Variants in DCUN1D4 observed in about 807,000 individuals in gnomAD.
DCUN1D4 encodes the protein defective in cullin neddylation 1 domain containing 4, also known as DCN1-like protein 4.
Under a neutral mutation model 47.9 loss-of-function variants are expected in DCUN1D4, and 22 were observed. The observed-to-expected ratio is 0.46, with a 90% CI of 0.33 to 0.66. DCUN1D4 has a LOEUF of 0.66. Among genes scored for constraint, DCUN1D4 ranks in the 30% least tolerant of loss-of-function variants. The pLI is 0.02. For synonymous variants in DCUN1D4, 121 were observed against 112.2 expected, an observed-to-expected ratio of 1.08 and a Z score of -0.50; for missense variants, 301 against 340.8, an observed-to-expected ratio of 0.88 and a Z score of 0.92.
chr4:51,885,693 T>A (rs77856227), intron 5 of DCUN1D4, among the ~76,000 whole-genome samples: 5,830 of 152,108 alleles, frequency 0.038, 152 homozygotes, highest in Non-Finnish European at 0.053. Context: ...AGGAATAATG[T>A]ATATAGCAGG....
intron 6 of DCUN1D4, among the ~76,000 whole-genome samples, chr4:51,889,115 G>GA (rs551308113): frequency 3.7e-3 from 561 of 151,148 alleles, no homozygotes; most frequent in Middle Eastern, 0.017. Context: ...TCTCGAAAAA[G>GA]AAAAAAAAGA....
At chr4:51,845,122 A>G (rs926486858) in intron 1 of DCUN1D4, 1 of 985,350 alleles carries the variant, frequency 1.0e-6, no homozygotes, top group Non-Finnish European at 1.2e-6. Context: ...GTTGTGGGAA[A>G]ACATTTAAGA....
chr4:51,877,854 G>A lies in DCUN1D4; in HGVS notation c.343G>A (p.Gly115Arg), dbSNP rs1273880844. The A allele has an allele frequency of 1.3e-6, 2 of 1,592,006 alleles. No individual in the cohort carries two copies. The highest frequency in any genetic ancestry group is 1.7e-6 in the Non-Finnish European group (2 of 1,162,000). ...RCLEWFYEYA[G>R]TDDVVGPEGM... ...CTTGGAATGGTTCTATGAATATGCA[G>A]GTAGGTATTCATTTGTATCATCTAA... The change falls in exon 5 of 11, where the codon GGA becomes AGA. Residue 115 changes from glycine (G) to arginine (R), a missense_variant and splice_region_variant. Around this residue, in one of 2 missense-constraint regions of DCUN1D4, gnomAD observed 170 missense variants for 234.5 expected, o/e 0.73. Coordinates refer to ENST00000334635, the MANE Select transcript of DCUN1D4 (RefSeq NM_001040402.3).
At chr4:51,863,630 G>C in intron 2 of DCUN1D4, 40 bp from the exon 3 acceptor site, 1 of 1,607,952 alleles carries the variant, frequency 6.2e-7, no homozygotes, top group Non-Finnish European at 8.5e-7. Flanking sequence ...AATGCTAACG[G>C]TATGTGATTT....
intron 1 of DCUN1D4, chr4:51,848,139 A>T (rs548252025): frequency 8.2e-7 from 1 of 1,224,562 alleles, no homozygotes; most frequent in East Asian, 5.7e-5. Flanking sequence ...TCACCTACTC[A>T]TTCTTTGCAT....
chr4:51,895,078 C>A (rs1023384456), intron 7 of DCUN1D4, among the ~76,000 whole-genome samples: 1 of 151,930 alleles, frequency 6.6e-6, no homozygotes, highest in African/African-American at 2.4e-5. Context: ...GCCCCCAGGA[C>A]CTAATAATCT....
At position 51,913,848 on chromosome 4, in the gene DCUN1D4, T is replaced by A; in HGVS notation, c.*264T>A. On this transcript the variant is annotated 3_prime_UTR_variant, in exon 11 of 11. Coordinates refer to ENST00000334635, the MANE Select transcript of DCUN1D4 (RefSeq NM_001040402.3). ...CACTGTGATTATGTGTATATTGCTG[T>A]TTAAATTTTGTATATGTGTATAAAA... The A allele has an allele frequency of 2.7e-6, 1 of 372,602 alleles. No homozygotes were observed. The allele number at this position is 372,602 out of a possible 1,614,324, so 23.1% of individuals were successfully genotyped here.
intron 1 of DCUN1D4, among the ~76,000 whole-genome samples, chr4:51,858,828 T>TA (rs1724552549): frequency 6.6e-6 from 1 of 152,348 alleles, no homozygotes; most frequent in South Asian, 2.1e-4. Flanking sequence ...CAGCCATACT[T>TA]ACGTATTGTT....
chr4:51,847,624 T>C (rs1407117596), intron 1 of DCUN1D4, among the ~76,000 whole-genome samples: 5 of 151,728 alleles, frequency 3.3e-5, no homozygotes, highest in Admixed American at 2.6e-4. Flanking sequence ...CTTTCTTTTT[T>C]GTTTTTTTTT....
chr4:51,837,671 A>T, the DCUN1D4 span, among the ~76,000 whole-genome samples: 1 of 150,194 alleles, frequency 6.7e-6, no homozygotes, highest in Non-Finnish European at 1.5e-5. Flanking sequence ...AAAAAAAAAA[A>T]AAAAAAAAAA....
chr4:51,911,280 T>C, intron 9 of DCUN1D4, 106 bp downstream of exon 9: 1 of 1,004,654 alleles, frequency 1.0e-6, no homozygotes. Flanking sequence ...CTTTTCTGCC[T>C]ATGTAGGAAT....
intron 1 of DCUN1D4, chr4:51,844,922 G>T (rs1394623343): frequency 1.0e-6 from 1 of 985,400 alleles, no homozygotes; most frequent in East Asian, 1.1e-4. Context: ...GCTCCTGCGC[G>T]CTCTCGGGAG....
At position 51,843,161 on chromosome 4, in the gene DCUN1D4, G is replaced by A. The variant is rs986111899; in HGVS notation, c.-82G>A. 8.5e-6 allele frequency: 13 copies of A among 1,524,692 alleles called. No individual in the cohort carries two copies. The highest frequency in any genetic ancestry group is 1.2e-5 in the South Asian group (1 of 81,634). The allele number at this position is 1,524,692 out of a possible 1,614,324, so 94.4% of individuals were successfully genotyped here. On this transcript the variant is annotated 5_prime_UTR_variant, in exon 1 of 11. Coordinates refer to ENST00000334635, the MANE Select transcript of DCUN1D4 (RefSeq NM_001040402.3). ...CCCGGCGGCGGGTCCTCAGCTTCGA[G>A]CCGAGGTGCAGTGAGCTGGTGGGGG... is the stretch of plus-strand genomic sequence containing the variant.
intron 5 of DCUN1D4, among the ~76,000 whole-genome samples, chr4:51,878,919 G>A (rs1728108925): frequency 6.6e-6 from 1 of 152,142 alleles, no homozygotes; most frequent in Non-Finnish European, 1.5e-5. Flanking sequence ...CCCTTTTTGT[G>A]ATAAGAGCCT....
intron 8 of DCUN1D4, chr4:51,910,710 T>G: frequency 4.1e-6 from 1 of 242,172 alleles, no homozygotes. Flanking sequence ...GGTCAACAAT[T>G]AGGATTTTGA....
rs1721939745 is a variant in DCUN1D4 at position 51,843,568 on chromosome 4, T to C, written c.25+301T>C. The stretch of plus-strand genomic sequence containing the variant: ...CTGGACGTGCGATGAAGGGCCGAGA[T>C]CGGAGTGTCCGGGGTGCATGGAGGT... On this transcript the variant is annotated intron_variant, in intron 1 of 10. Coordinates refer to ENST00000334635, the MANE Select transcript of DCUN1D4 (RefSeq NM_001040402.3). 3.7e-6 allele frequency: 4 copies of C among 1,094,638 alleles called. No individual in the cohort carries two copies. The African/African-American group carries it at 5.8e-5, about 16-fold the overall frequency. The allele number at this position is 1,094,638 out of a possible 1,614,324, so 67.8% of individuals were successfully genotyped here. A position where few individuals can be genotyped will look rare whatever the true frequency, so the allele number is the denominator to read the frequency against.
intron 8 of DCUN1D4, among the ~76,000 whole-genome samples, chr4:51,904,668 G>T (rs747606392): frequency 6.6e-6 from 1 of 152,042 alleles, no homozygotes; most frequent in Non-Finnish European, 1.5e-5. Context: ...GTCCTGTGTT[G>T]CCTGTTTTTC....
intron 5 of DCUN1D4, among the ~76,000 whole-genome samples, chr4:51,880,886 T>C (rs1728494379): frequency 6.6e-6 from 1 of 152,062 alleles, no homozygotes; most frequent in Non-Finnish European, 1.5e-5. Flanking sequence ...ATCCTAACAC[T>C]GGGAGGTCAA....
At chr4:51,885,221 G>A (rs1015690794) in intron 5 of DCUN1D4, among the ~76,000 whole-genome samples, 5 of 152,052 alleles carry the variant, frequency 3.3e-5, no homozygotes, top group South Asian at 2.1e-4. Flanking sequence ...AGGATGGGTC[G>A]GGGGGAAAAG....
Sources: gnomAD v4.1 joint callset for allele counts (sites outside exome capture counted in the v4.1 genomes callset) on GRCh38, gnomAD v4.1.1 for gene constraint, gnomAD v4.1.1 regional missense constraint, MANE v1.5 for transcripts, NCBI Gene and HGNC (gene_info 2026-07-23, HGNC 2026-07-21) for gene names.